Variants in TSNARE1 observed in about 807,000 individuals in gnomAD.
TSNARE1 encodes t-SNARE domain-containing protein 1.
In TSNARE1, 49 loss-of-function variants were observed where a neutral mutation model predicts 62.0. That is an observed-to-expected ratio of 0.79 (90% CI 0.63 to 1.00). The LOEUF (loss-of-function observed/expected upper bound fraction) is 1.00, where lower values mean the gene tolerates loss of function less well. TSNARE1 is among the 50% of genes least tolerant of loss of function. TSNARE1 has a pLI of 0.00. For synonymous variants in TSNARE1, 328 were observed against 294.4 expected, an observed-to-expected ratio of 1.11 and a Z score of -1.17; for missense variants, 755 against 700.1, an observed-to-expected ratio of 1.08 and a Z score of -0.88.
At chr8:142,363,802 T>A (rs1256781817) in intron 1 of TSNARE1, among the ~76,000 whole-genome samples, 1 of 152,070 alleles carries the variant, frequency 6.6e-6, no homozygotes, top group Admixed American at 6.5e-5. Flanking sequence ...GACCCAGAGA[T>A]CTCAGGGTGA....
intron 12 of TSNARE1, among the ~76,000 whole-genome samples, chr8:142,234,706 A>C (rs1817316113): frequency 6.6e-6 from 1 of 152,172 alleles, no homozygotes; most frequent in Non-Finnish European, 1.5e-5. Context: ...GGTGGGGCAC[A>C]CAGATAGGCA....
intron 12 of TSNARE1, among the ~76,000 whole-genome samples, chr8:142,261,716 G>A (rs1015278281): frequency 1.3e-5 from 2 of 152,114 alleles, no homozygotes; most frequent in Admixed American, 6.5e-5. Context: ...GCGTTTTCCC[G>A]GCCTTCCTGC....
intron 10 of TSNARE1, among the ~76,000 whole-genome samples, chr8:142,287,969 C>T (rs1823047133): frequency 5.9e-5 from 9 of 152,252 alleles, no homozygotes; most frequent in Admixed American, 5.9e-4. Context: ...CCCTTCAGGA[C>T]GTCCCGTGCT....
At chr8:142,323,040 A>G (rs775866814) in intron 6 of TSNARE1, among the ~76,000 whole-genome samples, 41 of 142,788 alleles carry the variant, frequency 2.9e-4, no homozygotes, top group Non-Finnish European at 5.5e-4. Flanking sequence ...CGGCCTGGAC[A>G]TGTCTGTGGG....
intron 6 of TSNARE1, among the ~76,000 whole-genome samples, chr8:142,329,529 C>T (rs1019279699): frequency 6.6e-6 from 1 of 152,226 alleles, no homozygotes; most frequent in Non-Finnish European, 1.5e-5. Flanking sequence ...TGGGAACCTG[C>T]CCACCACACT....
chr8:142,314,422 T>G lies in TSNARE1; in HGVS notation c.1093A>C (p.Arg365=), dbSNP rs2131610058. 1 of 1,614,014 alleles carries G rather than the reference T, an allele frequency of 6.2e-7. No individual in the cohort carries two copies. Among genetic ancestry groups the G allele is most frequent in the East Asian group, 2.2e-5 (1 of 44,878 alleles). ...VVQKKIAEKS[R]ALLPMAQRGS... is the part of the protein sequence containing the mutation. ...CTCTGCGCCATGGGAAGCAGCGCTC[T>G]GGACTTTTCTGCAATTTTCTGTTGA... The change falls in exon 9 of 14, where the codon AGA becomes CGA. Residue 365 remains arginine (R), a synonymous_variant. Coordinates refer to ENST00000524325, the MANE Select transcript of TSNARE1 (RefSeq NM_145003.5).
intron 11 of TSNARE1, chr8:142,278,804 G>A (rs999447421): frequency 1.0e-6 from 1 of 985,420 alleles, no homozygotes; most frequent in Non-Finnish European, 1.2e-6. Context: ...TTCCAAGTGG[G>A]CCCAGAGGGA....
At chr8:142,313,353 CAT>C (rs1437921244) in intron 9 of TSNARE1, among the ~76,000 whole-genome samples, 7 of 146,898 alleles carry the variant, frequency 4.8e-5, no homozygotes, top group East Asian at 2.1e-4. Flanking sequence ...TGTGTCTCTA[CAT>C]GTCTCTTTAT....
In TSNARE1 at chr8:142,229,505, G is replaced by T; in HGVS notation, c.1521C>A (p.Ile507=). The T allele has an allele frequency of 6.3e-7, 1 of 1,589,244 alleles. No homozygotes were observed. Among genetic ancestry groups the T allele is most frequent in the South Asian group, 1.1e-5 (1 of 90,140 alleles). Reference sequence around the variant, plus strand: ...AGCATCACTTTCGGACAGAGGTGGCGATGATGATGATGATGACAAGCAGGG... The same window carrying T: ...AGCATCACTTTCGGACAGAGGTGGCTATGATGATGATGATGACAAGCAGGG... ...VTALLVIIII[I]ATSVRK is the part of the protein sequence containing the mutation. Residue 507 remains isoleucine, a synonymous_variant, in exon 13 of 14, where the codon ATC becomes ATA. Transcript: ENST00000524325.
At chr8:142,225,283 G>C (rs1292663896) in intron 13 of TSNARE1, among the ~76,000 whole-genome samples, 1 of 151,920 alleles carries the variant, frequency 6.6e-6, no homozygotes, top group African/African-American at 2.4e-5. Context: ...GGGCTCTCCT[G>C]GTCTGGCTTC....
chr8:142,316,756 G>T (rs1178909738), intron 7 of TSNARE1, among the ~76,000 whole-genome samples: 1 of 151,824 alleles, frequency 6.6e-6, no homozygotes, highest in Non-Finnish European at 1.5e-5. Context: ...TACACTGTGC[G>T]TTTTCTTGCG....
At chr8:142,328,120 T>A (rs1830512943) in intron 6 of TSNARE1, among the ~76,000 whole-genome samples, 1 of 152,164 alleles carries the variant, frequency 6.6e-6, no homozygotes, top group South Asian at 2.1e-4. Context: ...AAGTTTCCCT[T>A]CTTACTAAAG....
chr8:142,342,210 C>T (rs538260645), intron 4 of TSNARE1, among the ~76,000 whole-genome samples: 7 of 152,390 alleles, frequency 4.6e-5, no homozygotes, highest in Non-Finnish European at 2.9e-5. Context: ...CGAGGAAGTT[C>T]CGGCAGCAAG....
intron 12 of TSNARE1, chr8:142,274,007 T>C: frequency 4.1e-6 from 4 of 985,312 alleles, no homozygotes; most frequent in Non-Finnish European, 4.8e-6. Flanking sequence ...CTCAAGAGTG[T>C]GTGCTCTCCT....
chr8:142,280,096 C>A, intron 11 of TSNARE1: 2 of 1,182,374 alleles, frequency 1.7e-6, no homozygotes, highest in South Asian at 1.6e-5. Context: ...GCGGTGCTTT[C>A]GGGCAGGTGT....
chr8:142,271,499 G>C, intron 12 of TSNARE1: 1 of 1,329,212 alleles, frequency 7.5e-7, no homozygotes, highest in Non-Finnish European at 9.6e-7. Flanking sequence ...CGAAGAGGGC[G>C]GGGAAGGCTG....
intron 12 of TSNARE1, among the ~76,000 whole-genome samples, chr8:142,233,229 G>A (rs1449760337): frequency 6.6e-6 from 1 of 152,244 alleles, no homozygotes; most frequent in Non-Finnish European, 1.5e-5. Context: ...TCTGGAGGAT[G>A]GGCAGGACAG....
chr8:142,258,255 C>T (rs1818686286), intron 12 of TSNARE1, among the ~76,000 whole-genome samples: 1 of 152,096 alleles, frequency 6.6e-6, no homozygotes, highest in African/African-American at 2.4e-5. Context: ...CATGAAGGCA[C>T]GCGTGTGCAC....
chr8:142,264,390 A>T (rs1182473387), intron 12 of TSNARE1, among the ~76,000 whole-genome samples: 4 of 152,236 alleles, frequency 2.6e-5, no homozygotes, highest in Non-Finnish European at 5.9e-5. Context: ...GTTGTACCTG[A>T]GAAAATGAGT....
Sources: gnomAD v4.1 joint callset for allele counts (sites outside exome capture counted in the v4.1 genomes callset) on GRCh38, gnomAD v4.1.1 for gene constraint, MANE v1.5 for transcripts, NCBI Gene and HGNC (gene_info 2026-07-23, HGNC 2026-07-21) for gene names.